The following MBOAT1 variants were observed in gnomAD, a reference collection of about 807,000 sequenced individuals.
MBOAT1 encodes the protein membrane-bound glycerophospholipid O-acyltransferase 1.
MBOAT1 carries 67 observed loss-of-function variants against 64.4 expected under a neutral mutation model. The ratio of observed to expected loss-of-function variants is 1.04; its 90% CI spans 0.85 to 1.27. The LOEUF is 1.27. MBOAT1 is among the 50% of genes most tolerant of loss of function. The pLI, the probability that MBOAT1 is intolerant of heterozygous loss-of-function variation, is 0.00. For missense variants in MBOAT1, 563 were observed against 604.6 expected (o/e 0.93, Z 0.72); for synonymous variants, 229 against 218.9 (o/e 1.05, Z -0.41).
At chr6:20,180,983 A>C (rs1466977882) in intron 1 of MBOAT1, among the ~76,000 whole-genome samples, 5 of 152,238 alleles carry the variant, frequency 3.3e-5, no homozygotes, top group Non-Finnish European at 5.9e-5. Context: ...TTAATGAGAC[A>C]TATAATTAAA....
At chr6:20,150,673 C>CT (rs1448538496) in intron 3 of MBOAT1, among the ~76,000 whole-genome samples, 1 of 150,702 alleles carries the variant, frequency 6.6e-6, no homozygotes, top group Non-Finnish European at 1.5e-5. Context: ...AGTGATTCTC[C>CT]TGCCTCAGCG....
At chr6:20,203,956 T>G (rs1216093268) in intron 1 of MBOAT1, among the ~76,000 whole-genome samples, 1 of 152,238 alleles carries the variant, frequency 6.6e-6, no homozygotes, top group Admixed American at 6.5e-5. Context: ...CTTTTCTACC[T>G]GTAAAGTCCA....
intron 1 of MBOAT1, among the ~76,000 whole-genome samples, chr6:20,180,048 C>T (rs1227737232): frequency 2.0e-5 from 3 of 152,048 alleles, no homozygotes; most frequent in Non-Finnish European, 4.4e-5. Context: ...GGGGATTTGC[C>T]GGGGGTTGGA....
chr6:20,208,207 G>A (rs1581472350), intron 1 of MBOAT1, among the ~76,000 whole-genome samples: 1 of 152,102 alleles, frequency 6.6e-6, no homozygotes, highest in East Asian at 1.9e-4. Context: ...CAGCACTTTG[G>A]GAGGCCGAGG....
intron 4 of MBOAT1, among the ~76,000 whole-genome samples, chr6:20,139,039 C>T (rs1029324097): frequency 2.6e-5 from 4 of 152,176 alleles, no homozygotes; most frequent in African/African-American, 9.7e-5. Context: ...GAGTCTGTCC[C>T]TCATGGCTTT....
chr6:20,162,048 ATC>A (rs1761880978), intron 1 of MBOAT1, among the ~76,000 whole-genome samples: 1 of 151,966 alleles, frequency 6.6e-6, no homozygotes, highest in Admixed American at 6.6e-5. Context: ...CTGTGTCCTA[ATC>A]TCTTCTTACA....
intron 1 of MBOAT1, among the ~76,000 whole-genome samples, chr6:20,196,122 G>T (rs370480347): frequency 6.6e-6 from 1 of 152,168 alleles, no homozygotes; most frequent in Non-Finnish European, 1.5e-5. Context: ...GAGTTCGGGG[G>T]CCTAAACTCA....
At chr6:20,182,988 G>A (rs1427674693) in intron 1 of MBOAT1, among the ~76,000 whole-genome samples, 1 of 152,142 alleles carries the variant, frequency 6.6e-6, no homozygotes, top group East Asian at 1.9e-4. Flanking sequence ...GAAAGGATTG[G>A]CAGTACATGC....
chr6:20,110,356 G>T (rs1448669889), intron 11 of MBOAT1, among the ~76,000 whole-genome samples: 1 of 151,662 alleles, frequency 6.6e-6, no homozygotes, highest in Non-Finnish European at 1.5e-5. Flanking sequence ...GAGACTAAAG[G>T]CACATGCCAC....
intron 11 of MBOAT1, 40 bp from the exon 12 acceptor site, chr6:20,109,789 A>T (rs767524693): frequency 1.3e-6 from 2 of 1,589,826 alleles, no homozygotes; most frequent in South Asian, 2.2e-5. Context: ...GGAGGGGGTG[A>T]AAAACAAATA....
intron 1 of MBOAT1, among the ~76,000 whole-genome samples, chr6:20,197,091 T>C (rs574071438): frequency 6.7e-6 from 1 of 149,758 alleles, no homozygotes; most frequent in South Asian, 2.1e-4. Flanking sequence ...GTGAGATGTA[T>C]ATGAAACCTC....
chr6:20,211,185 G>A (rs1763406132), intron 1 of MBOAT1, among the ~76,000 whole-genome samples: 1 of 152,166 alleles, frequency 6.6e-6, no homozygotes, highest in Admixed American at 6.5e-5. Flanking sequence ...ATTGCTGAAG[G>A]GGTGTGCGCA....
chr6:20,111,863 T>TATATATA (rs1760171405), intron 11 of MBOAT1, among the ~76,000 whole-genome samples: 1 of 137,654 alleles, frequency 7.3e-6, no homozygotes, highest in African/African-American at 2.8e-5. Context: ...TATATACATA[T>TATATATA]ATATACATAT....
intron 2 of MBOAT1, among the ~76,000 whole-genome samples, chr6:20,151,993 A>G (rs1278491395): frequency 1.3e-5 from 2 of 152,158 alleles, no homozygotes; most frequent in African/African-American, 4.8e-5. Flanking sequence ...CATCCCATTT[A>G]CATGATTGGG....
At chr6:20,197,328 C>T (rs527611970) in intron 1 of MBOAT1, among the ~76,000 whole-genome samples, 1 of 152,218 alleles carries the variant, frequency 6.6e-6, no homozygotes, top group South Asian at 2.1e-4. Flanking sequence ...AACCTGCCTC[C>T]CATTTTATTC....
Position 20,118,139 on chromosome 6 carries a change from T to C in MBOAT1, c.1011+298A>G, listed in dbSNP as rs138185631. Reference sequence around the variant, plus strand: ...AGAGAGAGATGACACTGGTACTTTCTAGTTGAAAGAGCAGAAATGTAGACA... The same window carrying C: ...AGAGAGAGATGACACTGGTACTTTCCAGTTGAAAGAGCAGAAATGTAGACA... On this transcript the variant is annotated intron_variant, in intron 9 of 12. Transcript: ENST00000324607. 5.4e-3 allele frequency among the ~76,000 whole-genome samples: 817 copies of C among 152,262 alleles called. 7 individuals are homozygous for C. The highest frequency in any genetic ancestry group is 0.019 in the African/African-American group (785 of 41,546).
chr6:20,138,183 A>G (rs73732814), intron 4 of MBOAT1, among the ~76,000 whole-genome samples: 2,633 of 152,278 alleles, frequency 0.017, 80 homozygotes, highest in African/African-American at 0.059. Context: ...GGGAAAAATA[A>G]CACTGCTTAA....
chr6:20,201,760 T>C (rs1320559068), intron 1 of MBOAT1, among the ~76,000 whole-genome samples: 2 of 151,878 alleles, frequency 1.3e-5, no homozygotes, highest in Non-Finnish European at 2.9e-5. Flanking sequence ...TTTGTATTTT[T>C]AGTAGAGATG....
intron 1 of MBOAT1, among the ~76,000 whole-genome samples, chr6:20,155,741 G>A (rs908646648): frequency 6.6e-6 from 1 of 152,120 alleles, no homozygotes; most frequent in Admixed American, 6.5e-5. Flanking sequence ...TCCAACTAGA[G>A]GCTTCACCAA....
Sources: allele counts gnomAD v4.1 joint callset (sites outside exome capture counted in the v4.1 genomes callset), GRCh38; gene constraint gnomAD v4.1.1; transcripts MANE v1.5; gene names NCBI Gene and HGNC (gene_info 2026-07-23, HGNC 2026-07-21).